BET1: variants seen among roughly 807,000 people sequenced by gnomAD.
BET1 encodes Bet1 golgi vesicular membrane trafficking protein.
A neutral mutation model predicts 13.9 loss-of-function variants in BET1; 9 were observed. The ratio of observed to expected loss-of-function variants is 0.65; its 90% CI spans 0.39 to 1.13. The LOEUF is 1.13. Ranked by LOEUF, BET1 falls within the 50% of genes most tolerant of loss-of-function variation. The pLI is 0.01. For missense variants in BET1, 127 were observed against 133.6 expected (o/e 0.95, Z 0.24); for synonymous variants, 39 against 47.3 (o/e 0.82, Z 0.72).
At chr7:93,975,800 CATG>C (rs2116048587) in intron 5 of BET1, 1 of 462,694 alleles carries the variant, frequency 2.2e-6, no homozygotes, top group Non-Finnish European at 3.0e-6. Flanking sequence ...TGAAGAATGT[CATG>C]ATGTTCTCTT....
Position 93,999,166 on chromosome 7 carries a change from T to A in BET1, c.144+4A>T, listed in dbSNP as rs943263868. ...AACACATATAATATTTGTTATATAC[T>A]TACAGATTTTATAGCAGTTACTTTG... is the stretch of plus-strand genomic sequence containing the variant. On this transcript the variant is annotated splice_donor_region_variant and intron_variant, in intron 2 of 3. Transcript: ENST00000222547. 2.5e-6 allele frequency: 4 copies of A among 1,604,024 alleles called. No homozygotes were observed. Among genetic ancestry groups the A allele is most frequent in the African/African-American group, 2.7e-5 (2 of 74,732 alleles).
At chr7:93,965,793 G>A (rs1183041518) in intron 6 of BET1, 2 of 152,014 alleles carry the variant, frequency 1.3e-5, no homozygotes, top group East Asian at 1.9e-4. Context: ...ACTTAGAAAT[G>A]AAATCAATAA....
intron 4 of BET1, among the ~76,000 whole-genome samples, chr7:93,977,932 A>G (rs1165269435): frequency 6.6e-6 from 1 of 152,088 alleles, no homozygotes; most frequent in Non-Finnish European, 1.5e-5. Flanking sequence ...CCCACTTAGG[A>G]ACCTTCAATT....
exon 7 of BET1, chr7:93,963,148 T>C (rs1795119561): frequency 6.6e-6 from 1 of 152,066 alleles, no homozygotes; most frequent in Admixed American, 6.6e-5. Context: ...TAGTTAGAGA[T>C]GTATTTTTTT....
intron 5 of BET1, chr7:93,972,760 T>C (rs1468139229): frequency 6.6e-6 from 1 of 151,838 alleles, no homozygotes; most frequent in African/African-American, 2.4e-5. Flanking sequence ...GAGATAAAAT[T>C]GAATATTTTT....
chr7:93,971,691 A>G (rs1015426875), intron 6 of BET1, among the ~76,000 whole-genome samples: 5 of 151,572 alleles, frequency 3.3e-5, no homozygotes, highest in African/African-American at 9.7e-5. Context: ...AATAAAGCCC[A>G]CTTTCACTCT....
intron 6 of BET1, among the ~76,000 whole-genome samples, chr7:93,968,660 C>A (rs1795212735): frequency 1.3e-5 from 2 of 151,746 alleles, no homozygotes; most frequent in African/African-American, 2.4e-5. Flanking sequence ...AGTTGCAGAA[C>A]TGGTATGTGC....
intron 4 of BET1, among the ~76,000 whole-genome samples, chr7:93,982,144 CTA>C (rs1209617860): frequency 2.0e-5 from 3 of 151,934 alleles, no homozygotes; most frequent in African/African-American, 7.3e-5. Flanking sequence ...ATGTATTTTT[CTA>C]TGATATCTAG....
chr7:94,000,132 T>C lies in BET1; in HGVS notation c.20-838A>G, dbSNP rs1480033500. On this transcript the variant is annotated intron_variant, in intron 1 of 3. Coordinates refer to ENST00000222547, the MANE Select transcript of BET1 (RefSeq NM_005868.6). ...CTTTTTTTTTTTTTTTGAGGTGGAGTCTCGCTCTGTCGCCCAAGCTGGAGT... is the reference window on the plus strand; with the variant it reads ...CTTTTTTTTTTTTTTTGAGGTGGAGCCTCGCTCTGTCGCCCAAGCTGGAGT... Among the ~76,000 whole-genome samples, 4 of 147,496 alleles carry C rather than the reference T, an allele frequency of 2.7e-5. No homozygotes were observed. The East Asian group carries it at 8.0e-4, about 30-fold the overall frequency.
chr7:93,976,344 TTG>T lies in BET1; in HGVS notation c.236-246_236-245del, dbSNP rs57913446. Among the ~76,000 whole-genome samples, 690 of 148,902 alleles carry T rather than the reference TTG, an allele frequency of 4.6e-3. 3 individuals carry two copies. The highest frequency in any genetic ancestry group is 0.01 in the South Asian group (49 of 4,706). ...GATACATTTTAAAGATATCTACTTA[TTG>T]TGTGTGTGTGTGTGTGTGTGTGTGT... is the stretch of plus-strand genomic sequence containing the variant. On this transcript the variant is annotated intron_variant and NMD_transcript_variant, in intron 4 of 6. Transcript: ENST00000357520.
At chr7:93,968,253 C>G (rs938230910) in intron 6 of BET1, 1 of 151,754 alleles carries the variant, frequency 6.6e-6, no homozygotes, top group Non-Finnish European at 1.5e-5. Context: ...TACAGAAATA[C>G]ACCTGATTTT....
chr7:93,977,563 C>A (rs1192300973), intron 4 of BET1, among the ~76,000 whole-genome samples: 1 of 152,076 alleles, frequency 6.6e-6, no homozygotes, highest in Non-Finnish European at 1.5e-5. Flanking sequence ...AAACCCTGTA[C>A]TTTGACCATT....
chr7:93,974,876 T>G (rs2116045583), intron 5 of BET1, among the ~76,000 whole-genome samples: 1 of 152,194 alleles, frequency 6.6e-6, no homozygotes, highest in African/African-American at 2.4e-5. Flanking sequence ...GAGACACCAC[T>G]TTTAGAAAGT....
intron 2 of BET1, among the ~76,000 whole-genome samples, chr7:93,997,169 TTAAA>T (rs1232813224): frequency 6.6e-6 from 1 of 152,094 alleles, no homozygotes; most frequent in African/African-American, 2.4e-5. Context: ...TCCAAGATAT[TTAAA>T]TAAATAGAAT....
At chr7:93,969,147 C>A (rs1795221151) in intron 6 of BET1, among the ~76,000 whole-genome samples, 1 of 151,888 alleles carries the variant, frequency 6.6e-6, no homozygotes, top group East Asian at 1.9e-4. Context: ...ATGACTTTGC[C>A]CTTCACTGGG....
At position 93,994,341 on chromosome 7, in the gene BET1, CAT is replaced by C; in HGVS notation, c.244_245del (p.Met82GlyfsTer34). The C allele has an allele frequency of 6.2e-7, 1 of 1,613,612 alleles. No homozygotes were observed. Among genetic ancestry groups the C allele is most frequent in the Non-Finnish European group, 8.5e-7 (1 of 1,179,748 alleles). On this transcript the variant is annotated frameshift_variant, in exon 4 of 4. Coordinates refer to ENST00000222547, the MANE Select transcript of BET1 (RefSeq NM_005868.6). LOFTEE classifies it high-confidence loss of function. ...CTCTGGATAAAATCTTCAGTTTGCC[CAT>C]AGTTTTACCTAGAAATCCAGTTGTG... ...DSTTGFLGKT[M>X]GKLKILSRGS...
At chr7:94,002,033 T>C (rs1008180904) in intron 1 of BET1, among the ~76,000 whole-genome samples, 2 of 152,094 alleles carry the variant, frequency 1.3e-5, no homozygotes, top group Non-Finnish European at 2.9e-5. Context: ...CTATGACCCA[T>C]CCCAAATACA....
chr7:93,965,680 A>G (rs1238616924), exon 7 of BET1: 1 of 152,082 alleles, frequency 6.6e-6, no homozygotes, highest in Non-Finnish European at 1.5e-5. Flanking sequence ...AGTTCTCTGC[A>G]TTAATTTCTG....
intron 1 of BET1, 32 bp downstream of exon 1, chr7:94,004,166 C>T (rs757777495): frequency 2.5e-6 from 4 of 1,613,974 alleles, no homozygotes; most frequent in South Asian, 2.2e-5. Flanking sequence ...GGTTCTAGGG[C>T]CCCGAACTTC....
Sources: gnomAD v4.1 joint callset for allele counts (sites outside exome capture counted in the v4.1 genomes callset) on GRCh38, gnomAD v4.1.1 for gene constraint, MANE v1.5 for transcripts, NCBI Gene and HGNC (gene_info 2026-07-23, HGNC 2026-07-21) for gene names.